Variants in JARID2 observed in about 807,000 individuals in gnomAD.
JARID2 encodes jumonji and AT-rich interaction domain containing 2.
JARID2 carries 21 observed loss-of-function variants against 125.6 expected under a neutral mutation model. That is an observed-to-expected ratio of 0.17 (90% CI 0.12 to 0.24). The LOEUF (loss-of-function observed/expected upper bound fraction) is 0.24, where lower values mean the gene tolerates loss of function less well. Ranked by LOEUF, JARID2 falls within the 10% of genes least tolerant of loss-of-function variation. The pLI is 1.00. For missense variants in JARID2, 1,303 were observed against 1,639.6 expected (o/e 0.79, Z 3.55); for synonymous variants, 736 against 661.6 (o/e 1.11, Z -1.73).
At chr6:15,440,971 C>T (rs920732757) in intron 3 of JARID2, among the ~76,000 whole-genome samples, 2 of 152,088 alleles carry the variant, frequency 1.3e-5, no homozygotes, top group Middle Eastern at 3.2e-3. Flanking sequence ...AAGTAATGCC[C>T]CATACTTTGA....
chr6:15,460,598 C>T (rs746846768), intron 4 of JARID2, among the ~76,000 whole-genome samples: 16 of 152,224 alleles, frequency 1.1e-4, no homozygotes, highest in Non-Finnish European at 1.6e-4. Context: ...GTTGAGTATT[C>T]AGCTTCTCCA....
chr6:15,417,484 C>CCCCA (rs1489140454), intron 3 of JARID2, among the ~76,000 whole-genome samples: 1 of 152,184 alleles, frequency 6.6e-6, no homozygotes. Context: ...ACACCTATAA[C>CCCCA]CCCAGCACTT....
At chr6:15,385,925 C>T (rs1008721008) in intron 2 of JARID2, among the ~76,000 whole-genome samples, 1 of 152,160 alleles carries the variant, frequency 6.6e-6, no homozygotes, top group African/African-American at 2.4e-5. Context: ...ATATGTCTCA[C>T]TATCATAGAG....
Position 15,521,672 on chromosome 6 carries a change from G to C in JARID2, c.*1421G>C, listed in dbSNP as rs542481558. ...TTTCATAATTGGATTCATCAATCCC[G>C]TAGCTACCCATATTGCACTGAGCTT... On this transcript the variant is annotated 3_prime_UTR_variant, in exon 18 of 18. Transcript: ENST00000341776. The C allele has an allele frequency of 6.6e-6, 1 of 152,184 alleles. No individual in the cohort carries two copies. The highest frequency in any genetic ancestry group is 1.5e-5 in the Non-Finnish European group (1 of 68,044). 9.4% of individuals were successfully genotyped at this position (152,184 alleles called of 1,614,324 possible).
chr6:15,262,181 C>A (rs373838101), intron 1 of JARID2, among the ~76,000 whole-genome samples: 1 of 124,702 alleles, frequency 8.0e-6, no homozygotes, highest in African/African-American at 2.9e-5. Context: ...TGTTAATTTT[C>A]TTATTTTAAA....
Position 15,496,930 on chromosome 6 carries a change from G to T in JARID2, c.1705G>T (p.Asp569Tyr). 1 of 1,603,394 alleles carries T rather than the reference G, an allele frequency of 6.2e-7. No individual in the cohort carries two copies. The highest frequency in any genetic ancestry group is 8.5e-7 in the Non-Finnish European group (1 of 1,172,304). Residue 569 changes from aspartate (D) to tyrosine (Y), a missense_variant, in exon 7 of 18, where the codon GAT (aspartate) becomes TAT (tyrosine). By Grantham distance (160) the Asp-to-Tyr change is radical (BLOSUM62 -3). Coordinates refer to ENST00000341776, the MANE Select transcript of JARID2 (RefSeq NM_004973.4). ...VLRPSAKEFHDPLIYIESVRA... is the reference protein window; with the variant it reads ...VLRPSAKEFHYPLIYIESVRA... ...CAGGCCCTCCGCCAAGGAGTTCCAC[G>T]ATCCGCTCATCTACATCGAGTCGGT...
chr6:15,505,020 G>A (rs188651849), intron 9 of JARID2: 90 of 163,306 alleles, frequency 5.5e-4, no homozygotes, highest in African/African-American at 2.0e-3. Context: ...TGCCATTTTT[G>A]TGCTTCTGCC....
chr6:15,312,619 C>G (rs552084880), intron 1 of JARID2, among the ~76,000 whole-genome samples: 8 of 152,144 alleles, frequency 5.3e-5, no homozygotes, highest in African/African-American at 1.9e-4. Flanking sequence ...TGTCTACATC[C>G]CTTCACTTTG....
intron 5 of JARID2, among the ~76,000 whole-genome samples, chr6:15,478,650 T>A (rs1037805832): frequency 2.0e-5 from 3 of 152,032 alleles, no homozygotes; most frequent in Admixed American, 6.6e-5. Flanking sequence ...CTGTTTTAAA[T>A]CATTATTTTT....
chr6:15,502,435 T>A (rs78873087), intron 8 of JARID2, among the ~76,000 whole-genome samples: 2,347 of 152,324 alleles, frequency 0.015, 68 homozygotes, highest in African/African-American at 0.053. Context: ...GCTCCAGCCC[T>A]CGTGAGCCTG....
At chr6:15,420,108 A>T (rs1377696246) in intron 3 of JARID2, among the ~76,000 whole-genome samples, 1 of 152,138 alleles carries the variant, frequency 6.6e-6, no homozygotes, top group Non-Finnish European at 1.5e-5. Context: ...TATCTCAGAC[A>T]TTGTTATTAT....
At chr6:15,372,715 T>A (rs548094676) in intron 1 of JARID2, among the ~76,000 whole-genome samples, 163 of 151,986 alleles carry the variant, frequency 1.1e-3, no homozygotes, top group African/African-American at 3.7e-3. Flanking sequence ...TTTATTTATT[T>A]ATTTTTTTTT....
At chr6:15,390,109 T>C (rs935845226) in intron 2 of JARID2, among the ~76,000 whole-genome samples, 1 of 152,196 alleles carries the variant, frequency 6.6e-6, no homozygotes, top group Non-Finnish European at 1.5e-5. Context: ...CCTTCCCTGT[T>C]TCAGAGAACA....
intron 2 of JARID2, among the ~76,000 whole-genome samples, chr6:15,406,192 T>C (rs1765642499): frequency 6.6e-6 from 1 of 152,118 alleles, no homozygotes; most frequent in Non-Finnish European, 1.5e-5. Context: ...TCCTAGCACT[T>C]TGGGAGGCTG....
intron 2 of JARID2, among the ~76,000 whole-genome samples, chr6:15,403,916 G>A (rs1765542109): frequency 6.6e-6 from 1 of 152,124 alleles, no homozygotes; most frequent in South Asian, 2.1e-4. Flanking sequence ...ATGGGTGGGG[G>A]TGTTTTTGGA....
intron 1 of JARID2, among the ~76,000 whole-genome samples, chr6:15,343,619 G>A (rs1763145795): frequency 6.6e-6 from 1 of 152,150 alleles, no homozygotes; most frequent in African/African-American, 2.4e-5. Context: ...GGAGGGAGAG[G>A]AAGGGCAGCC....
At chr6:15,491,621 A>G (rs534603775) in intron 6 of JARID2, among the ~76,000 whole-genome samples, 1 of 152,248 alleles carries the variant, frequency 6.6e-6, no homozygotes, top group Non-Finnish European at 1.5e-5. Context: ...AACTGAGGAC[A>G]GCGTCATAAT....
At position 15,312,211 on chromosome 6, in the gene JARID2, C is replaced by T. The variant is rs1420567663; in HGVS notation, c.46-61906C>T. Reference sequence around the variant, plus strand: ...CTGGGATTACAGGCGTTTGCCACCACGCCTGGCTAATTTTTGTATTTTTAG... The same window carrying T: ...CTGGGATTACAGGCGTTTGCCACCATGCCTGGCTAATTTTTGTATTTTTAG... On this transcript the variant is annotated intron_variant, in intron 1 of 17. Coordinates refer to ENST00000341776, the MANE Select transcript of JARID2 (RefSeq NM_004973.4). 3.9e-5 allele frequency among the ~76,000 whole-genome samples: 6 copies of T among 151,996 alleles called. No homozygotes were observed. The South Asian group carries it at 6.2e-4, about 16-fold the overall frequency.
chr6:15,370,778 C>T (rs767292664), intron 1 of JARID2, among the ~76,000 whole-genome samples: 14 of 152,184 alleles, frequency 9.2e-5, no homozygotes, highest in Non-Finnish European at 1.6e-4. Flanking sequence ...AGGTTGAGTG[C>T]AGGCACACCT....
Sources: gnomAD v4.1 joint callset for allele counts (sites outside exome capture counted in the v4.1 genomes callset) on GRCh38, gnomAD v4.1.1 for gene constraint, MANE v1.5 for transcripts, NCBI Gene and HGNC (gene_info 2026-07-23, HGNC 2026-07-21) for gene names.